Variants in CDH7 observed in about 807,000 individuals in gnomAD.
CDH7 encodes the protein cadherin 7.
CDH7 carries 25 observed loss-of-function variants against 71.8 expected under a neutral mutation model. The observed-to-expected ratio is 0.35, with a 90% CI of 0.25 to 0.49. The LOEUF (loss-of-function observed/expected upper bound fraction) is 0.49. Ranked by LOEUF, CDH7 falls within the 20% of genes least tolerant of loss-of-function variation. The pLI is 0.99. For missense variants in CDH7, 862 were observed against 974.6 expected, an observed-to-expected ratio of 0.88 and a Z score of 1.54; for synonymous variants, 381 against 363.8, an observed-to-expected ratio of 1.05 and a Z score of -0.54.
intron 7 of CDH7, among the ~76,000 whole-genome samples, chr18:65,854,651 T>C (rs994589040): frequency 8.5e-5 from 13 of 152,144 alleles, no homozygotes; most frequent in Non-Finnish European, 1.8e-4. Context: ...CCTTTTAGCT[T>C]TTAAGAATCT....
Position 65,790,986 on chromosome 18 carries a change from C to T in CDH7, c.211-18718C>T, listed in dbSNP as rs1218077586. Among the ~76,000 whole-genome samples the T allele has an allele frequency of 3.3e-5, 5 of 152,196 alleles. No individual in the cohort carries two copies. The East Asian group carries it at 9.6e-4, about 29-fold the overall frequency. ...TGTTTGTAAGGGTACATTATTTAGA[C>T]ACCTTGAACAGAAAAACAATCTCGT... On this transcript the variant is annotated intron_variant, in intron 2 of 11. Transcript: ENST00000397968.
At chr18:65,825,295 T>G (rs542484333) in intron 6 of CDH7, among the ~76,000 whole-genome samples, 1 of 151,944 alleles carries the variant, frequency 6.6e-6, no homozygotes, top group Non-Finnish European at 1.5e-5. Context: ...CATTTAAAAT[T>G]TATAGTAATT....
intron 2 of CDH7, among the ~76,000 whole-genome samples, chr18:65,806,680 GT>G (rs1555684626): frequency 6.6e-6 from 1 of 150,784 alleles, no homozygotes; most frequent in Non-Finnish European, 1.5e-5. Flanking sequence ...GTGTGTGTCC[GT>G]GAGTGTGCAC....
chr18:65,783,863 A>G (rs1314552538), intron 2 of CDH7, among the ~76,000 whole-genome samples: 1 of 152,196 alleles, frequency 6.6e-6, no homozygotes, highest in Non-Finnish European at 1.5e-5. Context: ...TTTAAAAAAG[A>G]GTGTAATAGA....
intron 2 of CDH7, among the ~76,000 whole-genome samples, chr18:65,788,860 C>T (rs1185216752): frequency 6.6e-6 from 1 of 152,086 alleles, no homozygotes; most frequent in Non-Finnish European, 1.5e-5. Flanking sequence ...TAGATTTGAC[C>T]TATAGCTAAC....
At chr18:65,758,998 T>A (rs2143778620) in intron 1 of CDH7, among the ~76,000 whole-genome samples, 1 of 152,302 alleles carries the variant, frequency 6.6e-6, no homozygotes, top group Non-Finnish European at 1.5e-5. Context: ...GTATCTTCCC[T>A]TCACAGACAT....
At chr18:65,799,619 T>G (rs180914281) in intron 2 of CDH7, among the ~76,000 whole-genome samples, 75 of 151,746 alleles carry the variant, frequency 4.9e-4, no homozygotes, top group Non-Finnish European at 9.0e-4. Flanking sequence ...GAGCTTGCAG[T>G]GAGCTGAGAT....
In CDH7 at chr18:65,814,611, A is replaced by G. The variant is rs769671750; in HGVS notation, c.625+7A>G. 143 of 1,602,948 alleles carry G rather than the reference A, an allele frequency of 8.9e-5. No individual in the cohort carries two copies. The highest frequency in any genetic ancestry group is 1.1e-4 in the Non-Finnish European group (129 of 1,175,884). ...TCAGTGGAGCCAAAGACAGGTAAAA[A>G]TTGAAATGTGACATTCTTGTAAAGT... On this transcript the variant is annotated splice_region_variant and intron_variant, in intron 4 of 11. Transcript: ENST00000397968.
intron 2 of CDH7, 151 bp from the exon 3 acceptor site, chr18:65,809,553 C>T (rs1229394043): frequency 7.8e-6 from 5 of 639,862 alleles, no homozygotes; most frequent in Non-Finnish European, 1.3e-5. Context: ...TTCTAATAGC[C>T]TTTCTGCTGT....
Position 65,858,952 on chromosome 18 carries a change from A to T in CDH7, c.1400A>T (p.Tyr467Phe), listed in dbSNP as rs768233043. ...SQNPSQVGRGYVAITILDIND... is the reference protein window; with the variant it reads ...SQNPSQVGRGFVAITILDIND... ...AATCCATCTCAAGTAGGAAGAGGCT[A>T]TGTGGCCATCACTATACTTGACATC... The change falls in exon 9 of 12, where the codon TAT becomes TTT. Residue 467 changes from tyrosine (Y) to phenylalanine (F), a missense_variant. By Grantham distance (22) the Tyr-to-Phe change is conservative. Coordinates refer to ENST00000397968, the MANE Select transcript of CDH7 (RefSeq NM_004361.5). The T allele has an allele frequency of 6.2e-7, 1 of 1,611,550 alleles. No individual in the cohort carries two copies. The highest frequency in any genetic ancestry group is 1.1e-5 in the South Asian group (1 of 91,022).
chr18:65,841,642 A>G (rs1254256549), intron 6 of CDH7, among the ~76,000 whole-genome samples: 1 of 152,196 alleles, frequency 6.6e-6, no homozygotes, highest in Admixed American at 6.5e-5. Context: ...AGTGTCCCCA[A>G]CATAAAGGTT....
chr18:65,774,587 A>G (rs1335444786), intron 2 of CDH7, among the ~76,000 whole-genome samples: 1 of 152,060 alleles, frequency 6.6e-6, no homozygotes, highest in Non-Finnish European at 1.5e-5. Context: ...TCCATATGGT[A>G]CTGAATCTGT....
intron 2 of CDH7, among the ~76,000 whole-genome samples, chr18:65,770,231 A>G (rs1184193260): frequency 6.6e-6 from 1 of 152,178 alleles, no homozygotes; most frequent in Non-Finnish European, 1.5e-5. Context: ...TTTCTGAACC[A>G]TGCAATAGTA....
chr18:65,826,723 A>G (rs1254845193), intron 6 of CDH7, among the ~76,000 whole-genome samples: 2 of 151,580 alleles, frequency 1.3e-5, no homozygotes, highest in African/African-American at 2.4e-5. Flanking sequence ...AATATATAAA[A>G]GAGTTATTCA....
Position 65,791,332 on chromosome 18 carries a change from G to A in CDH7, c.211-18372G>A, listed in dbSNP as rs78488976. On this transcript the variant is annotated intron_variant, in intron 2 of 11. Transcript: ENST00000397968. Reference sequence around the variant, plus strand: ...GTAGCACAGTTTGATCTGAAACCCTGTTCTTTCTATGTGATGTTCTTAATC... The same window carrying A: ...GTAGCACAGTTTGATCTGAAACCCTATTCTTTCTATGTGATGTTCTTAATC... Among the ~76,000 whole-genome samples the A allele has an allele frequency of 1.9e-3, 292 of 152,246 alleles. 1 individual carries two copies. Among genetic ancestry groups the A allele is most frequent in the African/African-American group, 6.8e-3 (284 of 41,552 alleles).
intron 1 of CDH7, among the ~76,000 whole-genome samples, chr18:65,760,441 G>A (rs1177784847): frequency 6.6e-6 from 1 of 152,170 alleles, no homozygotes; most frequent in East Asian, 1.9e-4. Context: ...TAGGTTTTTA[G>A]AAGTTGGATG....
intron 2 of CDH7, among the ~76,000 whole-genome samples, chr18:65,789,377 G>T (rs2143853368): frequency 6.6e-6 from 1 of 152,270 alleles, no homozygotes; most frequent in African/African-American, 2.4e-5. Flanking sequence ...GTCTGTAATT[G>T]ATTCACATGG....
chr18:65,824,594 T>C, intron 5 of CDH7, 50 bp from the exon 6 acceptor site: 1 of 1,223,188 alleles, frequency 8.2e-7, no homozygotes, highest in Non-Finnish European at 1.1e-6. Context: ...TTTAAATTTT[T>C]ATTGGTTAGT....
In CDH7 at chr18:65,842,799, T is replaced by C. The variant is rs1288578004; in HGVS notation, c.982-1013T>C. ...CACATTTCATAATGCCTTATTCTTA[T>C]ATACTGACAACTAAGTCAAGTATGT... On this transcript the variant is annotated intron_variant, in intron 6 of 11. Transcript: ENST00000397968. 4.0e-5 allele frequency among the ~76,000 whole-genome samples: 6 copies of C among 151,386 alleles called. No homozygotes were observed. In the East Asian group the frequency reaches 1.2e-3, roughly 29 times the overall value.
Sources: gnomAD v4.1 joint callset for allele counts (sites outside exome capture counted in the v4.1 genomes callset) on GRCh38, gnomAD v4.1.1 for gene constraint, MANE v1.5 for transcripts, NCBI Gene and HGNC (gene_info 2026-07-23, HGNC 2026-07-21) for gene names.